The following SOD2 variants were observed in gnomAD, a reference collection of about 807,000 sequenced individuals.
SOD2 encodes superoxide dismutase [Mn], mitochondrial.
A neutral mutation model predicts 27.0 loss-of-function variants in SOD2; 11 were observed. That is an observed-to-expected ratio of 0.41 (90% CI 0.26 to 0.67). The LOEUF (loss-of-function observed/expected upper bound fraction) is 0.67. Among genes scored for constraint, SOD2 ranks in the 30% least tolerant of loss-of-function variants. SOD2 has a pLI of 0.34. For missense variants in SOD2, 250 were observed against 274.5 expected, an observed-to-expected ratio of 0.91 and a Z score of 0.63; for synonymous variants, 105 against 103.0, an observed-to-expected ratio of 1.02 and a Z score of -0.12.
At chr6:159,724,564 G>A (rs1361719524) in intron 1 of SOD2, among the ~76,000 whole-genome samples, 2 of 152,018 alleles carry the variant, frequency 1.3e-5, no homozygotes, top group Admixed American at 1.3e-4. Context: ...CAACACAGAT[G>A]AAAAATACAG....
intron 2 of SOD2, among the ~76,000 whole-genome samples, chr6:159,690,015 G>A (rs1780375712): frequency 6.6e-6 from 1 of 151,868 alleles, no homozygotes; most frequent in Non-Finnish European, 1.5e-5. Flanking sequence ...CAGGTGAGGT[G>A]GCTCACGCCT....
chr6:159,706,802 C>A (rs1040815633), intron 1 of SOD2, among the ~76,000 whole-genome samples: 4 of 152,312 alleles, frequency 2.6e-5, no homozygotes, highest in African/African-American at 9.6e-5. Context: ...CACCCCAAAT[C>A]AACAGAATAT....
chr6:159,749,373 G>T (rs1779739909), upstream of SOD2: 1 of 985,052 alleles, frequency 1.0e-6, no homozygotes, highest in Admixed American at 6.2e-5. Flanking sequence ...ATTGTATTTG[G>T]GCCTTTTGTA....
chr6:159,738,307 A>C (rs1289082449), intron 1 of SOD2, among the ~76,000 whole-genome samples: 3 of 152,174 alleles, frequency 2.0e-5, no homozygotes, highest in African/African-American at 7.2e-5. Flanking sequence ...GTTACTTCAG[A>C]GTGTTATATA....
intron 1 of SOD2, among the ~76,000 whole-genome samples, chr6:159,723,691 C>A (rs1778084407): frequency 6.6e-6 from 1 of 152,196 alleles, no homozygotes; most frequent in Non-Finnish European, 1.5e-5. Flanking sequence ...CTGTTTGTGG[C>A]AAACTAGAAC....
At chr6:159,724,127 C>T (rs1403183729) in intron 1 of SOD2, among the ~76,000 whole-genome samples, 2 of 151,778 alleles carry the variant, frequency 1.3e-5, no homozygotes, top group East Asian at 1.9e-4. Context: ...CACCCCCACC[C>T]CCGGATGAAT....
At chr6:159,690,985 T>C (rs189962830) in intron 2 of SOD2, 79 of 152,326 alleles carry the variant, frequency 5.2e-4, no homozygotes, top group African/African-American at 1.8e-3. Context: ...TTTTATCTTT[T>C]TTCCCCAAGT....
rs1777800749 is a variant in SOD2 at position 159,712,076 on chromosome 6, AGACCT to A, written c.-116+15048_-116+15052del. Among the ~76,000 whole-genome samples the A allele has an allele frequency of 2.5e-3, 52 of 20,514 alleles. 13 individuals carry two copies. Among genetic ancestry groups the A allele is most frequent in the Non-Finnish European group, 4.3e-3 (40 of 9,276 alleles). 13.5% of individuals were successfully genotyped at this position (20,514 alleles called of 152,430 possible). ...CTCCATAACCACCACTCGGCTGCTC[AGACCT>A]CCATAACCACCTCCATAACCACCAC... is the stretch of plus-strand genomic sequence containing the variant. On this transcript the variant is annotated intron_variant, in intron 1 of 2. Transcript: ENST00000401980.
At chr6:159,736,349 T>G (rs1778913758) in intron 1 of SOD2, 1 of 1,390,452 alleles carries the variant, frequency 7.2e-7, no homozygotes, top group East Asian at 2.3e-5. Context: ...TTTGGGGGCT[T>G]TTTTAAGCAC....
At chr6:159,728,600 A>G (rs1392102430), upstream of SOD2, among the ~76,000 whole-genome samples, 1 of 152,182 alleles carries the variant, frequency 6.6e-6, no homozygotes, top group Non-Finnish European at 1.5e-5. Context: ...TAAAATTTTG[A>G]CCATTAAGTT....
rs374630769 is a variant in SOD2 at position 159,711,398 on chromosome 6, C to T, written c.-116+15731G>A. Among the ~76,000 whole-genome samples the T allele has an allele frequency of 8.1e-3, 166 of 20,390 alleles. 10 individuals are homozygous for T. Among genetic ancestry groups the T allele is most frequent in the Middle Eastern group, 0.026 (1 of 38 alleles). The allele number at this position is 20,390 out of a possible 152,430, so 13.4% of individuals were successfully genotyped here. A position where few individuals can be genotyped will look rare whatever the true frequency, so the allele number is the denominator to read the frequency against. ...GCTCTGATCACCATAACCGCCTCCA[C>T]AACCACCACTCACATTGCTCTGATC... On this transcript the variant is annotated intron_variant, in intron 1 of 2. Coordinates refer to the SOD2 transcript ENST00000401980.
At chr6:159,697,011 T>C (rs1777431917), upstream of SOD2, among the ~76,000 whole-genome samples, 1 of 142,414 alleles carries the variant, frequency 7.0e-6, no homozygotes, top group Non-Finnish European at 1.5e-5. Context: ...CTTACTCCAG[T>C]CTGGGCAAGA....
intron 1 of SOD2, chr6:159,720,313 G>A (rs572351393): frequency 6.6e-6 from 1 of 152,306 alleles, no homozygotes; most frequent in South Asian, 2.1e-4. Context: ...GCCTCCTAGA[G>A]TGCTGGGATT....
At chr6:159,711,534 T>C (rs1205850872) in intron 1 of SOD2, among the ~76,000 whole-genome samples, 2 of 116,476 alleles carry the variant, frequency 1.7e-5, no homozygotes, top group Non-Finnish European at 3.7e-5. Context: ...TAACCACCAC[T>C]CACATTGCTC....
intron 1 of SOD2, among the ~76,000 whole-genome samples, chr6:159,711,080 GCT>G (rs1387373796): frequency 1.0e-5 from 1 of 95,266 alleles, no homozygotes; most frequent in African/African-American, 4.8e-5. Flanking sequence ...CACTCACATT[GCT>G]CTGATCACCA....
At chr6:159,688,972 G>A (rs946127598) in intron 2 of SOD2, among the ~76,000 whole-genome samples, 5 of 152,216 alleles carry the variant, frequency 3.3e-5, no homozygotes, top group African/African-American at 4.8e-5. Context: ...CAGAGGACCA[G>A]TATTTCTCAC....
chr6:159,738,716 T>A (rs186603389), intron 1 of SOD2, among the ~76,000 whole-genome samples: 10 of 152,312 alleles, frequency 6.6e-5, no homozygotes, highest in Admixed American at 6.5e-4. Flanking sequence ...CAGCGTTTGG[T>A]GTTGCCACTA....
chr6:159,756,594 CTTTT>C (rs3066261), intron 1 of SOD2, among the ~76,000 whole-genome samples: 4 of 94,372 alleles, frequency 4.2e-5, no homozygotes, highest in Admixed American at 1.4e-4. Flanking sequence ...ATTTCTTAGG[CTTTT>C]TTTTTTTTTT....
At chr6:159,730,387 G>A (rs1778494021), upstream of SOD2, among the ~76,000 whole-genome samples, 2 of 152,118 alleles carry the variant, frequency 1.3e-5, no homozygotes, top group South Asian at 4.2e-4. Flanking sequence ...AATATTCATT[G>A]CCTTTATGAA....
Sources: gnomAD v4.1 joint callset for allele counts (sites outside exome capture counted in the v4.1 genomes callset) on GRCh38, gnomAD v4.1.1 for gene constraint, MANE v1.5 for transcripts, NCBI Gene and HGNC (gene_info 2026-07-23, HGNC 2026-07-21) for gene names.